NBAS: variants seen among roughly 807,000 people sequenced by gnomAD.
NBAS encodes the protein NAG/BC035112 fusion.
A neutral mutation model predicts 302.5 loss-of-function variants in NBAS; 219 were observed. The observed-to-expected ratio is 0.72, with a 90% confidence interval of 0.65 to 0.81. The LOEUF (loss-of-function observed/expected upper bound fraction) is 0.81. NBAS is among the 30% of genes least tolerant of loss of function. The pLI, the probability that NBAS is intolerant of heterozygous loss-of-function variation, is 0.00. For synonymous variants in NBAS, 1,118 were observed against 1,021.6 expected (o/e 1.09, Z -1.80); for missense variants, 2,932 against 2,841.6 (o/e 1.03, Z -0.72).
the NBAS span, among the ~76,000 whole-genome samples, chr2:15,017,914 G>T: frequency 1.3e-5 from 2 of 151,998 alleles, no homozygotes; most frequent in African/African-American, 2.4e-5. Flanking sequence ...TAGATGAATG[G>T]ATAAAGAAAA....
chr2:15,277,160 T>G (rs1669624222), intron 42 of NBAS, 59 bp from the exon 43 acceptor site: 6 of 1,591,446 alleles, frequency 3.8e-6, no homozygotes, highest in Non-Finnish European at 5.1e-6. Flanking sequence ...AAAGTGATTT[T>G]TTTTTTAACC....
At chr2:14,981,042 G>A in the NBAS span, among the ~76,000 whole-genome samples, 1 of 150,358 alleles carries the variant, frequency 6.7e-6, no homozygotes, top group Non-Finnish European at 1.5e-5. Flanking sequence ...AATAACTCCT[G>A]TAAAAAAGAA....
intron 9 of NBAS, among the ~76,000 whole-genome samples, chr2:15,521,205 G>T (rs772322006): frequency 6.6e-6 from 1 of 152,124 alleles, no homozygotes; most frequent in Non-Finnish European, 1.5e-5. Context: ...AATCTTAACA[G>T]TACCTTCTTC....
chr2:15,504,130 G>T lies in NBAS; in HGVS notation c.954+15C>A, dbSNP rs1416341778. 7 of 1,607,548 alleles carry T rather than the reference G, an allele frequency of 4.4e-6. No homozygotes were observed. The Admixed American group carries it at 1.2e-4, about 27-fold the overall frequency. ...TGTTTGAGAAGCCCACCATAGTTAA[G>T]CCAATTTGTGTTACCTGTTCTTGTC... is the stretch of plus-strand genomic sequence containing the variant. On this transcript the variant is annotated intron_variant, in intron 11 of 51. Transcript: ENST00000281513.
the NBAS span, among the ~76,000 whole-genome samples, chr2:14,782,309 A>C: frequency 3.2e-4 from 49 of 152,332 alleles, no homozygotes; most frequent in African/African-American, 1.2e-3. Context: ...ACATGATCAG[A>C]CACTTTTCAA....
intron 38 of NBAS, among the ~76,000 whole-genome samples, chr2:15,314,471 A>G (rs1236744986): frequency 6.6e-6 from 1 of 152,244 alleles, no homozygotes; most frequent in Non-Finnish European, 1.5e-5. Context: ...AATGAATGGT[A>G]TTGGTGAGTT....
At chr2:15,384,872 C>A (rs953673535) in intron 28 of NBAS, among the ~76,000 whole-genome samples, 3 of 151,984 alleles carry the variant, frequency 2.0e-5, no homozygotes, top group African/African-American at 4.8e-5. Flanking sequence ...TTTTACAATG[C>A]CTTTAAAAAT....
intron 39 of NBAS, among the ~76,000 whole-genome samples, chr2:15,308,852 G>T (rs923093868): frequency 6.6e-6 from 1 of 152,178 alleles, no homozygotes; most frequent in African/African-American, 2.4e-5. Context: ...CTAATTTATT[G>T]AGAGTTTTTA....
At chr2:14,813,172 T>C in the NBAS span, among the ~76,000 whole-genome samples, 2 of 152,146 alleles carry the variant, frequency 1.3e-5, no homozygotes, top group Non-Finnish European at 2.9e-5. Context: ...GAATGACTAA[T>C]ACAGAAAATT....
intron 50 of NBAS, among the ~76,000 whole-genome samples, chr2:15,180,624 C>A (rs1664775145): frequency 6.6e-6 from 1 of 152,240 alleles, no homozygotes; most frequent in South Asian, 2.1e-4. Context: ...GCATTCCACA[C>A]AAAGTGATGT....
the NBAS span, among the ~76,000 whole-genome samples, chr2:14,844,190 A>G: frequency 6.6e-6 from 1 of 152,296 alleles, no homozygotes; most frequent in Non-Finnish European, 1.5e-5. Context: ...AGATTTTGTC[A>G]TGCATCTTGG....
At chr2:14,902,181 G>C in the NBAS span, among the ~76,000 whole-genome samples, 2 of 152,172 alleles carry the variant, frequency 1.3e-5, no homozygotes, top group African/African-American at 4.8e-5. Flanking sequence ...ACCCAGGCTA[G>C]AGTGCAGTGG....
the NBAS span, among the ~76,000 whole-genome samples, chr2:14,970,268 A>C: frequency 1.3e-5 from 2 of 152,208 alleles, no homozygotes; most frequent in Non-Finnish European, 2.9e-5. Context: ...AAAAACAACT[A>C]GAACTTCTAA....
At chr2:15,312,532 T>C (rs996665129) in intron 38 of NBAS, among the ~76,000 whole-genome samples, 7 of 152,126 alleles carry the variant, frequency 4.6e-5, no homozygotes, top group Admixed American at 1.3e-4. Flanking sequence ...CTGCCTCGAA[T>C]TCCCAAAGTG....
rs536763223 is a variant in NBAS, at chr2:15,448,202, C to T, written c.2339+12999G>A. ...ATTTTCTATTTTGTTAATTCATCTT[C>T]AGCCTTTTGCAAGCCCTTTTAGCGT... On this transcript the variant is annotated intron_variant, in intron 21 of 51. Coordinates refer to ENST00000281513, the MANE Select transcript of NBAS (RefSeq NM_015909.4). 2.0e-5 allele frequency among the ~76,000 whole-genome samples: 3 copies of T among 152,282 alleles called. No individual in the cohort carries two copies. The South Asian group carries it at 6.2e-4, about 32-fold the overall frequency.
the NBAS span, among the ~76,000 whole-genome samples, chr2:14,793,200 C>T: frequency 6.6e-6 from 1 of 152,066 alleles, no homozygotes; most frequent in African/African-American, 2.4e-5. Flanking sequence ...AACTTCTCAG[C>T]CTCCAGAACT....
downstream of NBAS, among the ~76,000 whole-genome samples, chr2:15,166,192 G>C (rs1021892844): frequency 6.6e-6 from 1 of 152,204 alleles, no homozygotes; most frequent in Non-Finnish European, 1.5e-5. Flanking sequence ...TCCTAAGGGT[G>C]TTGCTATTCA....
the NBAS span, among the ~76,000 whole-genome samples, chr2:14,810,632 C>G: frequency 6.6e-6 from 1 of 152,058 alleles, no homozygotes; most frequent in African/African-American, 2.4e-5. Context: ...TGGACTCTGG[C>G]CTAGGTTAGT....
the NBAS span, among the ~76,000 whole-genome samples, chr2:14,904,734 C>T: frequency 1.3e-5 from 2 of 152,270 alleles, no homozygotes; most frequent in South Asian, 4.1e-4. Context: ...CAATTTGTGT[C>T]TACGTATTTC....
Sources: gnomAD v4.1 joint callset for allele counts (sites outside exome capture counted in the v4.1 genomes callset) on GRCh38, gnomAD v4.1.1 for gene constraint, MANE v1.5 for transcripts, NCBI Gene and HGNC (gene_info 2026-07-23, HGNC 2026-07-21) for gene names.